The following CACNA1A variants were observed in gnomAD, a reference collection of about 807,000 sequenced individuals.
CACNA1A encodes voltage-dependent P/Q-type calcium channel subunit alpha-1A.
Under a neutral mutation model 262.4 loss-of-function variants are expected in CACNA1A, and 57 were observed. The observed-to-expected ratio is 0.22, with a 90% CI of 0.18 to 0.27. The LOEUF is 0.27. CACNA1A is among the 10% of genes least tolerant of loss of function. The probability of loss-of-function intolerance (pLI) is 1.00; values close to 1 mark genes in which losing one functional copy is unlikely to be tolerated. For synonymous variants in CACNA1A, 1,431 were observed against 1,419.3 expected, an observed-to-expected ratio of 1.01 and a Z score of -0.18; for missense variants, 2,526 against 3,562.8, an observed-to-expected ratio of 0.71 and a Z score of 7.41.
chr19:13,466,616 C>T (rs919154593), intron 1 of CACNA1A, among the ~76,000 whole-genome samples: 4 of 152,196 alleles, frequency 2.6e-5, no homozygotes, highest in East Asian at 1.9e-4. Flanking sequence ...GCTGGGATTA[C>T]AGGCGTGAGC....
intron 3 of CACNA1A, among the ~76,000 whole-genome samples, chr19:13,419,380 G>A (rs1353645728): frequency 6.6e-6 from 1 of 152,154 alleles, no homozygotes; most frequent in Non-Finnish European, 1.5e-5. Flanking sequence ...TCAGTTCTTA[G>A]ACTATATTTC....
At chr19:13,499,161 C>A (rs59804133) in intron 1 of CACNA1A, among the ~76,000 whole-genome samples, 2 of 151,910 alleles carry the variant, frequency 1.3e-5, no homozygotes, top group Non-Finnish European at 2.9e-5. Context: ...CACTCTCGAC[C>A]GGCCCCAAAG....
chr19:13,303,695 C>A, intron 16 of CACNA1A, 72 bp downstream of exon 16: 6 of 1,555,286 alleles, frequency 3.9e-6, no homozygotes, highest in Non-Finnish European at 5.3e-6. Flanking sequence ...CAGTACCCTC[C>A]CTTGAGCCCC....
intron 24 of CACNA1A, among the ~76,000 whole-genome samples, chr19:13,265,535 C>T (rs956132575): frequency 1.3e-5 from 2 of 152,190 alleles, no homozygotes; most frequent in Admixed American, 6.5e-5. Flanking sequence ...TCATCATTAT[C>T]ATCTCAAGGC....
chr19:13,254,889 G>A (rs1568465250), intron 29 of CACNA1A, among the ~76,000 whole-genome samples: 1 of 152,112 alleles, frequency 6.6e-6, no homozygotes, highest in Admixed American at 6.6e-5. Flanking sequence ...GGAGGAAGAG[G>A]TCTGCAGGTA....
chr19:13,481,650 C>T lies in CACNA1A; in HGVS notation c.293+24282G>A, dbSNP rs570911793. Among the ~76,000 whole-genome samples, 10 of 152,184 alleles carry T rather than the reference C, an allele frequency of 6.6e-5. No individual in the cohort carries two copies. In the South Asian group the frequency reaches 2.1e-3, roughly 32 times the overall value. ...AGATTGGAGTCAGGCGGGCTCACACCATTGTTAACATGCCCAGCTTCAACG... is the reference window on the plus strand; with the variant it reads ...AGATTGGAGTCAGGCGGGCTCACACTATTGTTAACATGCCCAGCTTCAACG... On this transcript the variant is annotated intron_variant, in intron 1 of 46. Coordinates refer to ENST00000360228, the MANE Select transcript of CACNA1A (RefSeq NM_001127222.2).
At chr19:13,228,895 C>T in intron 36 of CACNA1A, 1 of 594,236 alleles carries the variant, frequency 1.7e-6, no homozygotes, top group South Asian at 1.8e-5. Context: ...GTGTCCCTGG[C>T]TTGAAGGAGT....
At chr19:13,259,782 G>A in intron 26 of CACNA1A, 81 bp from the exon 27 acceptor site, 1 of 1,502,886 alleles carries the variant, frequency 6.7e-7, no homozygotes, top group Non-Finnish European at 9.1e-7. Context: ...GAGACAGGGG[G>A]AGGGAAAGGA....
chr19:13,284,921 G>A (rs1288509045), intron 21 of CACNA1A, 147 bp downstream of exon 21: 15 of 662,792 alleles, frequency 2.3e-5, no homozygotes, highest in Admixed American at 1.2e-4. Flanking sequence ...CCTGACTTAC[G>A]GAAGGAGCAT....
chr19:13,276,068 T>C, intron 23 of CACNA1A, 112 bp from the exon 24 acceptor site: 1 of 667,298 alleles, frequency 1.5e-6, no homozygotes, highest in Non-Finnish European at 2.6e-6. Context: ...TGAGGCCACC[T>C]CATCTTGCAG....
At chr19:13,343,272 C>T (rs1164717091) in intron 6 of CACNA1A, among the ~76,000 whole-genome samples, 1 of 151,994 alleles carries the variant, frequency 6.6e-6, no homozygotes, top group Non-Finnish European at 1.5e-5. Flanking sequence ...AGGTGCCCGC[C>T]ACCACACCTA....
intron 6 of CACNA1A, among the ~76,000 whole-genome samples, chr19:13,339,118 C>T (rs10419917): frequency 0.68 from 102,234 of 151,288 alleles, 34,669 homozygotes; most frequent in Admixed American, 0.75. Context: ...CCTGCCTTGG[C>T]CTCCCAAAGT....
chr19:13,369,376 T>C (rs1040794462), intron 4 of CACNA1A, among the ~76,000 whole-genome samples: 3 of 152,102 alleles, frequency 2.0e-5, no homozygotes, highest in African/African-American at 7.2e-5. Flanking sequence ...TGAAATTGCG[T>C]CCCTGCTCTA....
intron 3 of CACNA1A, among the ~76,000 whole-genome samples, chr19:13,414,829 G>A (rs549904063): frequency 2.0e-5 from 3 of 152,112 alleles, no homozygotes; most frequent in Non-Finnish European, 4.4e-5. Context: ...CGGGTGTGGT[G>A]GCGTGTGCCT....
chr19:13,414,819 C>A (rs983762482), intron 3 of CACNA1A, among the ~76,000 whole-genome samples: 1 of 151,912 alleles, frequency 6.6e-6, no homozygotes, highest in South Asian at 2.1e-4. Context: ...AAAATTTGCC[C>A]GGGTGTGGTG....
chr19:13,296,480 T>C (rs1046943184), intron 19 of CACNA1A, among the ~76,000 whole-genome samples: 3 of 152,222 alleles, frequency 2.0e-5, no homozygotes, highest in Non-Finnish European at 4.4e-5. Context: ...TTACAAAATG[T>C]CGTTATGAAA....
At chr19:13,351,588 C>T (rs2058908691) in intron 6 of CACNA1A, among the ~76,000 whole-genome samples, 1 of 152,232 alleles carries the variant, frequency 6.6e-6, no homozygotes, top group African/African-American at 2.4e-5. Context: ...CAGCTCACTG[C>T]AACCTCTGTT....
In CACNA1A at chr19:13,303,628, G is replaced by A. The variant is rs190471428; in HGVS notation, c.2105-15C>T. ...CAGGAGGGTGTCTGCAAATGTCTGA[G>A]TCAGGAAAAGCAACCACTGGTGGGA... On this transcript the variant is annotated splice_polypyrimidine_tract_variant and intron_variant, in intron 16 of 46. Transcript: ENST00000360228. The A allele has an allele frequency of 1.0e-4, 163 of 1,611,592 alleles. No individual in the cohort carries two copies. Among genetic ancestry groups the A allele is most frequent in the East Asian group, 2.0e-4 (9 of 44,796 alleles).
In CACNA1A at chr19:13,298,775, C is replaced by G. The variant is rs1050663010; in HGVS notation, c.2858G>C (p.Gly953Ala). 1.3e-6 allele frequency: 2 copies of G among 1,526,656 alleles called. No individual in the cohort carries two copies. The highest frequency in any genetic ancestry group is 1.7e-6 in the Non-Finnish European group (2 of 1,146,490). The allele number at this position is 1,526,656 out of a possible 1,614,324, so 94.6% of individuals were successfully genotyped here. Residue 953 changes from glycine (G) to alanine (A), a missense_variant, in exon 19 of 47, where the codon GGG (glycine) becomes GCG (alanine). Gly to Ala is a moderately conservative substitution (Grantham distance 60). Around this residue, in one of 17 missense-constraint regions of CACNA1A, gnomAD observed 765 missense variants for 748.6 expected, o/e 1.02. Coordinates refer to ENST00000360228, the MANE Select transcript of CACNA1A (RefSeq NM_001127222.2). ...GTGCGCGCGATGACGTCGATGCTCC[C>G]CGTCCGCGCCCGTGCGCGGGGACCC... The part of the protein sequence containing the change: ...RSGSPRTGAD[G>A]EHRRHRAHRR...
Sources: allele counts gnomAD v4.1 joint callset (sites outside exome capture counted in the v4.1 genomes callset), GRCh38; gene constraint gnomAD v4.1.1; regional missense constraint gnomAD v4.1.1; transcripts MANE v1.5; gene names NCBI Gene and HGNC (gene_info 2026-07-23, HGNC 2026-07-21).